The following LRCH2 variants were observed in gnomAD, a reference collection of about 807,000 sequenced individuals.
The protein encoded by LRCH2 is leucine-rich repeat and calponin homology domain-containing protein 2.
LRCH2 carries 38 observed loss-of-function variants against 68.9 expected under a neutral mutation model. That is an observed-to-expected ratio of 0.55 (90% CI 0.43 to 0.72). The LOEUF is 0.72. Ranked by LOEUF, LRCH2 falls within the 30% of genes least tolerant of loss-of-function variation. The pLI, the probability that LRCH2 is intolerant of heterozygous loss-of-function variation, is 0.00. For synonymous variants in LRCH2, 191 were observed against 208.1 expected (o/e 0.92, Z 0.71); for missense variants, 528 against 572.9 (o/e 0.92, Z 0.80).
chrX:115,148,511 A>G (rs2072406061), intron 14 of LRCH2, among the ~76,000 whole-genome samples: 1 of 111,697 alleles, frequency 9.0e-6, no homozygotes, highest in Admixed American at 9.5e-5. Context: ...TAAATATTAA[A>G]TTTCTTTTAT....
At chrX:115,125,553 A>G (rs2072186927) in intron 16 of LRCH2, among the ~76,000 whole-genome samples, 1 of 25,271 alleles carries the variant, frequency 4.0e-5, no homozygotes, top group Non-Finnish European at 6.0e-5. Context: ...ATATATATAT[A>G]TATATATATA....
intron 20 of LRCH2, among the ~76,000 whole-genome samples, chrX:115,114,820 C>A (rs782689514): frequency 1.8e-5 from 2 of 109,979 alleles, no homozygotes; most frequent in Admixed American, 1.9e-4. Flanking sequence ...GAAACACACA[C>A]AAAAAAACTA....
chrX:115,164,635 A>T (rs1381999437), intron 10 of LRCH2, among the ~76,000 whole-genome samples: 4 of 111,687 alleles, frequency 3.6e-5, no homozygotes, highest in African/African-American at 6.5e-5. Context: ...TTCACACTCT[A>T]GGTACTAGTG....
At chrX:115,148,738 C>T (rs2072408087) in intron 14 of LRCH2, among the ~76,000 whole-genome samples, 1 of 111,559 alleles carries the variant, frequency 9.0e-6, no homozygotes, top group Non-Finnish European at 1.9e-5. Context: ...GAATGTCCTT[C>T]CCTTTTTCCT....
chrX:115,226,216 T>C (rs1556576191), intron 1 of LRCH2, among the ~76,000 whole-genome samples: 1 of 111,490 alleles, frequency 9.0e-6, no homozygotes, highest in Non-Finnish European at 1.9e-5. Context: ...AACACAGCCA[T>C]CCAAAAGAAT....
intron 6 of LRCH2, among the ~76,000 whole-genome samples, chrX:115,167,046 CT>C (rs1431780401): frequency 1.1e-4 from 12 of 107,601 alleles, no homozygotes; most frequent in Non-Finnish European, 2.3e-4. Flanking sequence ...TATGATAAAA[CT>C]TTGACTGGAA....
chrX:115,165,403 AC>A lies in LRCH2; in HGVS notation c.1355+1del, dbSNP rs1950766436. 9.0e-7 allele frequency: 1 copy of A among 1,111,395 alleles called. No individual in the cohort carries two copies. Among genetic ancestry groups the A allele is most frequent in the East Asian group, 3.3e-5 (1 of 30,339 alleles). 91.6% of individuals were successfully genotyped at this position (1,111,395 alleles called of 1,213,427 possible). A position where few individuals can be genotyped will look rare whatever the true frequency, so the allele number is the denominator to read the frequency against. On this transcript the variant is annotated splice_donor_variant, in intron 10 of 20. Transcript: ENST00000317135. LOFTEE classifies it high-confidence loss of function. The stretch of plus-strand genomic sequence containing the variant: ...TAACATTTCATTTTCATATGTGCTT[AC>A]CTTTTTTCATCTCCTAATTCTTCAT...
chrX:115,124,785 C>T (rs1034708896), intron 16 of LRCH2, among the ~76,000 whole-genome samples: 1 of 111,845 alleles, frequency 8.9e-6, no homozygotes, highest in African/African-American at 3.2e-5. Flanking sequence ...AGTTACCCAT[C>T]TCTTCAGCTG....
chrX:115,193,580 A>G (rs1280290265), intron 1 of LRCH2, among the ~76,000 whole-genome samples: 1 of 112,166 alleles, frequency 8.9e-6, no homozygotes, highest in East Asian at 2.8e-4. Flanking sequence ...CGTTATAACC[A>G]TTACTCCTAT....
At chrX:115,222,149 A>G (rs1428874252) in intron 1 of LRCH2, among the ~76,000 whole-genome samples, 3 of 111,487 alleles carry the variant, frequency 2.7e-5, no homozygotes, top group Non-Finnish European at 5.6e-5. Flanking sequence ...ACAAAGGACA[A>G]AAACCATATG....
intron 1 of LRCH2, among the ~76,000 whole-genome samples, chrX:115,226,856 C>T (rs1223983951): frequency 9.0e-6 from 1 of 111,074 alleles, no homozygotes; most frequent in Non-Finnish European, 1.9e-5. Flanking sequence ...AATCTGATGC[C>T]TCCTCTCTAA....
At chrX:115,191,080 T>C (rs1556558691) in intron 1 of LRCH2, 4 of 1,157,188 alleles carry the variant, frequency 3.5e-6, no homozygotes, top group Non-Finnish European at 3.4e-6. Flanking sequence ...GAGCCACCGC[T>C]ATGGAGGAGA....
chrX:115,169,785 T>C (rs1264472308), intron 6 of LRCH2, among the ~76,000 whole-genome samples: 4 of 111,296 alleles, frequency 3.6e-5, no homozygotes, highest in African/African-American at 6.5e-5. Flanking sequence ...TTCAATCTAC[T>C]ATCTCAAAAT....
Position 115,200,652 on chromosome X carries a change from C to T in LRCH2, c.350-12282G>A, listed in dbSNP as rs367832120. Among the ~76,000 whole-genome samples, 7 of 109,477 alleles carry T rather than the reference C, an allele frequency of 6.4e-5. No individual in the cohort carries two copies. In the East Asian group the frequency reaches 2.0e-3, roughly 32 times the overall value. On this transcript the variant is annotated intron_variant, in intron 1 of 20. Transcript: ENST00000317135. ...ATCAGTAGTAAAAAAAAAAAAAATCCCAATAAAGACAAGCTCAGGGATTGT... is the reference window on the plus strand; with the variant it reads ...ATCAGTAGTAAAAAAAAAAAAAATCTCAATAAAGACAAGCTCAGGGATTGT...
intron 12 of LRCH2, among the ~76,000 whole-genome samples, chrX:115,152,446 A>T (rs1367375457): frequency 2.7e-5 from 3 of 112,152 alleles, no homozygotes; most frequent in African/African-American, 9.7e-5. Flanking sequence ...TTAAGTACAG[A>T]CATAATCAAA....
intron 1 of LRCH2, among the ~76,000 whole-genome samples, chrX:115,218,055 C>T (rs975985224): frequency 7.2e-5 from 8 of 111,262 alleles, no homozygotes; most frequent in Non-Finnish European, 1.3e-4. Context: ...TCATATCCTT[C>T]GCTCAGTTTT....
In LRCH2 at chrX:115,112,952, A is replaced by T. The variant is rs1231181967; in HGVS notation, c.*264T>A. 1 of 201,202 alleles carries T rather than the reference A, an allele frequency of 5.0e-6. No homozygotes were observed. The highest frequency in any genetic ancestry group is 9.0e-6 in the Non-Finnish European group (1 of 110,568). The allele number at this position is 201,202 out of a possible 1,213,427, so 16.6% of individuals were successfully genotyped here. A position where few individuals can be genotyped will look rare whatever the true frequency, so the allele number is the denominator to read the frequency against. On this transcript the variant is annotated 3_prime_UTR_variant, in exon 21 of 21. Transcript: ENST00000317135. The stretch of plus-strand genomic sequence containing the variant: ...AAATTTAGTATCAGTCTGCTTTCTG[A>T]AAAATAATCAAGATTATCAACTGAC...
rs2072037196 is a variant in LRCH2, at chrX:115,110,765, C to A, written c.*2451G>T. 8.9e-6 allele frequency: 1 copy of A among 111,891 alleles called. No individual in the cohort carries two copies. The highest frequency in any genetic ancestry group is 1.9e-5 in the Non-Finnish European group (1 of 53,152). The allele number at this position is 111,891 out of a possible 1,213,427, so 9.2% of individuals were successfully genotyped here. A position where few individuals can be genotyped will look rare whatever the true frequency, so the allele number is the denominator to read the frequency against. Reference sequence around the variant, plus strand: ...ATTCAAAAAATTCAGTTAAAAAAGTCATTAAACTAGCATTCTGTAAAGATA... The same window carrying A: ...ATTCAAAAAATTCAGTTAAAAAAGTAATTAAACTAGCATTCTGTAAAGATA... On this transcript the variant is annotated 3_prime_UTR_variant, in exon 21 of 21. Coordinates refer to ENST00000317135, the MANE Select transcript of LRCH2 (RefSeq NM_020871.4).
chrX:115,129,191 A>T (rs1384063761), intron 15 of LRCH2, among the ~76,000 whole-genome samples: 11 of 111,356 alleles, frequency 9.9e-5, no homozygotes, highest in African/African-American at 3.6e-4. Context: ...TTCAGCAGGT[A>T]CACAGGTGTT....
Sources: allele counts gnomAD v4.1 joint callset (sites outside exome capture counted in the v4.1 genomes callset), GRCh38; gene constraint gnomAD v4.1.1; transcripts MANE v1.5; gene names NCBI Gene and HGNC (gene_info 2026-07-23, HGNC 2026-07-21).